Variants in DNAH7 observed in about 807,000 individuals in gnomAD.
The protein encoded by DNAH7 is dynein axonemal heavy chain 7.
A neutral mutation model predicts 444.6 loss-of-function variants in DNAH7; 397 were observed. The ratio of observed to expected loss-of-function variants is 0.89; its 90% confidence interval spans 0.82 to 0.97. DNAH7 has a LOEUF of 0.97. DNAH7 is among the 50% of genes least tolerant of loss of function. DNAH7 has a pLI of 0.00. For missense variants in DNAH7, 4,902 were observed against 4,800.8 expected (o/e 1.02, Z -0.62); for synonymous variants, 1,636 against 1,624.4 (o/e 1.01, Z -0.17).
At chr2:195,770,136 A>G (rs1210000108) in intron 61 of DNAH7, among the ~76,000 whole-genome samples, 1 of 152,046 alleles carries the variant, frequency 6.6e-6, no homozygotes, top group Non-Finnish European at 1.5e-5. Context: ...ATAAGCAGCC[A>G]CCTCCCTCTG....
intron 17 of DNAH7, among the ~76,000 whole-genome samples, chr2:195,962,643 C>T (rs1346571735): frequency 2.0e-5 from 3 of 152,148 alleles, no homozygotes; most frequent in African/African-American, 7.2e-5. Flanking sequence ...AGCCACTGTG[C>T]CTGGCCCTGT....
chr2:196,029,824 T>C (rs1419614865), intron 5 of DNAH7, among the ~76,000 whole-genome samples: 3 of 152,302 alleles, frequency 2.0e-5, no homozygotes, highest in East Asian at 3.9e-4. Context: ...GAAAATATGA[T>C]GTACTTTATT....
chr2:195,794,762 A>G (rs958811940), intron 56 of DNAH7, among the ~76,000 whole-genome samples: 2 of 152,222 alleles, frequency 1.3e-5, no homozygotes, highest in African/African-American at 4.8e-5. Flanking sequence ...GGTAACATTA[A>G]TTCATATGAT....
At position 195,926,554 on chromosome 2, in the gene DNAH7, C is replaced by A; in HGVS notation, c.3484G>T (p.Ala1162Ser). ...TCATATTTTGTATAGGCAAAAGTTG[C>A]ATCTCCAGTTACCTAATCAAAAAAG... ...INSIHKVTGD[A>S]TFAYTKYERI... Residue 1162 changes from alanine (A) to serine (S), a missense_variant, in exon 22 of 65, where the codon GCA becomes TCA. By Grantham distance (99) the Ala-to-Ser change is moderately conservative. Coordinates refer to ENST00000312428, the MANE Select transcript of DNAH7 (RefSeq NM_018897.3). 1 of 1,595,002 alleles carries A rather than the reference C, an allele frequency of 6.3e-7. No homozygotes were observed.
At chr2:195,977,990 T>C (rs759859913) in intron 15 of DNAH7, among the ~76,000 whole-genome samples, 6 of 152,176 alleles carry the variant, frequency 3.9e-5, no homozygotes. Flanking sequence ...CTACAGGGAA[T>C]ATTAAAGGGA....
intron 19 of DNAH7, among the ~76,000 whole-genome samples, chr2:195,942,893 T>C (rs1282101415): frequency 6.6e-6 from 1 of 152,086 alleles, no homozygotes; most frequent in Non-Finnish European, 1.5e-5. Flanking sequence ...CTTCCAACAG[T>C]GATATGGTTT....
chr2:195,820,688 G>A (rs1042986594), intron 49 of DNAH7, among the ~76,000 whole-genome samples: 1 of 151,894 alleles, frequency 6.6e-6, no homozygotes, highest in Non-Finnish European at 1.5e-5. Flanking sequence ...ACACATTTTC[G>A]ATCACAACTT....
chr2:196,005,226 A>G (rs1196827557), intron 10 of DNAH7, among the ~76,000 whole-genome samples: 3 of 151,858 alleles, frequency 2.0e-5, no homozygotes, highest in Non-Finnish European at 4.4e-5. Flanking sequence ...GTGAGCCAAG[A>G]TGGCACCACT....
At chr2:195,818,968 T>C (rs1697346291) in intron 49 of DNAH7, among the ~76,000 whole-genome samples, 1 of 152,166 alleles carries the variant, frequency 6.6e-6, no homozygotes, top group Non-Finnish European at 1.5e-5. Flanking sequence ...TTGTATACAT[T>C]GCACCTATGT....
At chr2:195,968,196 C>T (rs1301587954) in intron 17 of DNAH7, among the ~76,000 whole-genome samples, 1 of 152,170 alleles carries the variant, frequency 6.6e-6, no homozygotes, top group Admixed American at 6.5e-5. Context: ...CCACCTGGTT[C>T]TCTATCCCAG....
intron 20 of DNAH7, among the ~76,000 whole-genome samples, chr2:195,936,318 G>A (rs1324127906): frequency 6.6e-6 from 1 of 152,136 alleles, no homozygotes; most frequent in Non-Finnish European, 1.5e-5. Context: ...AGGTTGCAGT[G>A]AGCCAAGGTC....
intron 18 of DNAH7, among the ~76,000 whole-genome samples, 159 bp from the exon 19 acceptor site, chr2:195,957,606 T>A (rs139424376): frequency 2.8e-4 from 39 of 138,150 alleles, no homozygotes; most frequent in African/African-American, 1.3e-3. Flanking sequence ...ACAATTGTTA[T>A]ACATTATATA....
intron 48 of DNAH7, among the ~76,000 whole-genome samples, chr2:195,826,968 AG>A (rs1697793171): frequency 6.6e-6 from 1 of 152,214 alleles, no homozygotes; most frequent in Non-Finnish European, 1.5e-5. Flanking sequence ...ATATCCTTTA[AG>A]GGTGTTTCCT....
Position 195,970,088 on chromosome 2 carries a change from A to G in DNAH7, c.2065T>C (p.Cys689Arg), listed in dbSNP as rs773645777. The G allele has an allele frequency of 4.4e-6, 7 of 1,595,602 alleles. No homozygotes were observed. The highest frequency in any genetic ancestry group is 6.0e-6 in the Non-Finnish European group (7 of 1,174,700). Residue 689 changes from cysteine (C) to arginine (R), a missense_variant, in exon 17 of 65, where the codon TGT (cysteine) becomes CGT (arginine). Physicochemically the swap from Cys to Arg is radical, Grantham distance 180. Coordinates refer to ENST00000312428, the MANE Select transcript of DNAH7 (RefSeq NM_018897.3). ...EQYQEGLKLR[C>R]ERFVEELESY... ...TCCAATTCCTCCACAAACCGTTCACACCGTAACTAATAAAAACAATTTGTT... is the reference window on the plus strand; with the variant it reads ...TCCAATTCCTCCACAAACCGTTCACGCCGTAACTAATAAAAACAATTTGTT...
chr2:195,776,613 T>C (rs1262067715), intron 59 of DNAH7, among the ~76,000 whole-genome samples: 1 of 152,034 alleles, frequency 6.6e-6, no homozygotes, highest in Non-Finnish European at 1.5e-5. Context: ...ATTATTCTTA[T>C]CACAATAAAA....
At chr2:195,792,538 G>A (rs1458767769) in intron 57 of DNAH7, among the ~76,000 whole-genome samples, 1 of 151,616 alleles carries the variant, frequency 6.6e-6, no homozygotes, top group Non-Finnish European at 1.5e-5. Context: ...CAAAAGAGAC[G>A]AGGCAATTAA....
At chr2:195,743,241 T>TTGGGAC (rs950817009) in intron 63 of DNAH7, among the ~76,000 whole-genome samples, 19 of 152,250 alleles carry the variant, frequency 1.2e-4, no homozygotes, top group Admixed American at 9.8e-4. Context: ...TTTTGAGGTT[T>TTGGGAC]TGGGACTGGG....
intron 2 of DNAH7, among the ~76,000 whole-genome samples, chr2:196,051,593 C>G (rs1236149186): frequency 6.6e-6 from 1 of 152,008 alleles, no homozygotes; most frequent in Non-Finnish European, 1.5e-5. Context: ...TGGTGAAACC[C>G]CGTCTCTACT....
intron 42 of DNAH7, among the ~76,000 whole-genome samples, chr2:195,860,888 T>G (rs1426363960): frequency 6.6e-6 from 1 of 152,124 alleles, no homozygotes; most frequent in Non-Finnish European, 1.5e-5. Context: ...TGCTTTTAAG[T>G]AAAAATCATA....
Sources: allele counts gnomAD v4.1 joint callset (sites outside exome capture counted in the v4.1 genomes callset), GRCh38; gene constraint gnomAD v4.1.1; transcripts MANE v1.5; gene names NCBI Gene and HGNC (gene_info 2026-07-23, HGNC 2026-07-21).